The following PRDM2 variants were observed in gnomAD, a reference collection of about 807,000 sequenced individuals.
PRDM2 encodes the protein PR domain zinc finger protein 2.
PRDM2 carries 30 observed loss-of-function variants against 130.0 expected under a neutral mutation model. The ratio of observed to expected loss-of-function variants is 0.23; its 90% confidence interval spans 0.17 to 0.31. PRDM2 has a LOEUF of 0.31. Ranked by LOEUF, PRDM2 falls within the 10% of genes least tolerant of loss-of-function variation. The probability of loss-of-function intolerance (pLI) is 1.00; values close to 1 mark genes in which losing one functional copy is unlikely to be tolerated. For missense variants in PRDM2, 2,011 were observed against 2,108.4 expected (o/e 0.95, Z 0.90); for synonymous variants, 871 against 782.4 (o/e 1.11, Z -1.89).
chr1:13,772,455 A>G (rs918761183), intron 6 of PRDM2, among the ~76,000 whole-genome samples: 7 of 152,224 alleles, frequency 4.6e-5, no homozygotes, highest in African/African-American at 7.2e-5. Flanking sequence ...TTAATGAAAT[A>G]TTGACCTGGA....
intron 8 of PRDM2, chr1:13,783,171 A>T: frequency 1.9e-6 from 1 of 536,792 alleles, no homozygotes; most frequent in Non-Finnish European, 3.6e-6. Flanking sequence ...GCTCAGTGTC[A>T]TGTGTCTTAT....
Position 13,782,363 on chromosome 1 carries a change from A to G in PRDM2, c.4568A>G (p.Lys1523Arg). The G allele has an allele frequency of 1.2e-6, 2 of 1,614,054 alleles. No homozygotes were observed. Among genetic ancestry groups the G allele is most frequent in the Non-Finnish European group, 1.7e-6 (2 of 1,180,024 alleles). ...AGACGGACAGCGGATGCGGAGATTA[A>G]AATGCAAAGCATGCAGACTCCGTTG... ...HRRRTADAEI[K>R]MQSMQTPLGK... is the part of the protein sequence containing the mutation. The change falls in exon 8 of 10, where the codon AAA (lysine) becomes AGA (arginine). Residue 1523 changes from lysine (K) to arginine (R), a missense_variant. Lys to Arg is a conservative substitution (Grantham distance 26). This residue lies in a region of PRDM2 where 410 missense variants were observed against 395.9 expected (regional missense o/e 1.04). Coordinates refer to ENST00000311066, the MANE Select transcript of PRDM2 (RefSeq NM_001393986.1).
At chr1:13,710,915 T>C (rs1642349234) in intron 1 of PRDM2, among the ~76,000 whole-genome samples, 1 of 151,950 alleles carries the variant, frequency 6.6e-6, no homozygotes. Flanking sequence ...TGAAACTCCG[T>C]CTCTACTAAA....
chr1:13,779,176 GAGA>G lies in PRDM2; in HGVS notation c.1384_1386del (p.Lys462del). The G allele has an allele frequency of 1.2e-6, 2 of 1,614,208 alleles. No individual in the cohort carries two copies. The highest frequency in any genetic ancestry group is 1.7e-6 in the Non-Finnish European group (2 of 1,180,022). ...GCCAGACTGTCTGATCATGAATTCA[GAGA>G]AGGCTTCCCAAGACACAATAAATTC... On this transcript the variant is annotated inframe_deletion, in exon 8 of 10. Transcript: ENST00000311066. The surrounding 1 kb of genome is among the most constrained non-coding windows in gnomAD (Gnocchi z 4.9).
chr1:13,820,280 C>T (rs1290406138), intron 9 of PRDM2, among the ~76,000 whole-genome samples: 1 of 152,198 alleles, frequency 6.6e-6, no homozygotes, highest in Non-Finnish European at 1.5e-5. Context: ...AAGGCTTCGT[C>T]ACCCGTCTCC....
rs758886844 is a variant in PRDM2, at chr1:13,782,690, A to G, written c.4895A>G (p.Lys1632Arg). The G allele has an allele frequency of 1.2e-6, 2 of 1,614,142 alleles. No individual in the cohort carries two copies. The highest frequency in any genetic ancestry group is 3.3e-5 in the Admixed American group (2 of 60,024). The change falls in exon 8 of 10, where the codon AAA becomes AGA. Residue 1632 changes from lysine (K) to arginine (R), a missense_variant. By Grantham distance (26) the Lys-to-Arg change is conservative (BLOSUM62 2). This residue lies in a region of PRDM2 where 410 missense variants were observed against 395.9 expected (regional missense o/e 1.04). Coordinates refer to ENST00000311066, the MANE Select transcript of PRDM2 (RefSeq NM_001393986.1). ...AGCAAATCCACCTTGGCGAGTAAGA[A>G]AAGAACAGACCGGTTCAATATAAAA... ...LQSKSTLASK[K>R]RTDRFNIKSR...
At chr1:13,767,239 TA>T (rs146584339) in intron 6 of PRDM2, among the ~76,000 whole-genome samples, 7 of 150,924 alleles carry the variant, frequency 4.6e-5, no homozygotes, top group South Asian at 2.1e-4. Flanking sequence ...AAAATAGAAA[TA>T]AAAAAAAGCA....
rs143566559 is a variant in PRDM2, at chr1:13,779,182, G to A, written c.1387G>A (p.Ala463Thr). ...CTGTCTGATCATGAATTCAGAGAAG[G>A]CTTCCCAAGACACAATAAATTCTTC... is the stretch of plus-strand genomic sequence containing the variant. Reference protein sequence around the residue: ...PDCLIMNSEKASQDTINSSVV... With the variant: ...PDCLIMNSEKTSQDTINSSVV... Residue 463 changes from alanine (A) to threonine (T), a missense_variant, in exon 8 of 10, where the codon GCT becomes ACT. Coordinates refer to ENST00000311066, the MANE Select transcript of PRDM2 (RefSeq NM_001393986.1). The surrounding 1 kb of genome is among the most constrained non-coding windows in gnomAD (Gnocchi z 4.9). The A allele has an allele frequency of 3.8e-5, 62 of 1,614,202 alleles. No homozygotes were observed. In the African/African-American group the frequency reaches 8.1e-4, roughly 21 times the overall value.
At position 13,816,630 on chromosome 1, in the gene PRDM2, T is replaced by G. The variant is rs556567060; in HGVS notation, c.*23+60T>G. 5.7e-6 allele frequency: 9 copies of G among 1,572,356 alleles called. No individual in the cohort carries two copies. The African/African-American group carries it at 6.8e-5, about 12-fold the overall frequency. On this transcript the variant is annotated intron_variant, in intron 9 of 9. Transcript: ENST00000311066. ...TTGGGTGGGTCAAGGGGGTGTGGGCTTGGGTCTTGGGTGGGGAGGGAAGGA... is the reference window on the plus strand; with the variant it reads ...TTGGGTGGGTCAAGGGGGTGTGGGCGTGGGTCTTGGGTGGGGAGGGAAGGA...
intron 6 of PRDM2, among the ~76,000 whole-genome samples, chr1:13,749,896 T>C (rs993554865): frequency 6.6e-6 from 1 of 152,002 alleles, no homozygotes; most frequent in African/African-American, 2.4e-5. Context: ...CGCGGCTAGC[T>C]TGACAGCCCC....
At chr1:13,785,907 T>A (rs1225234671) in intron 8 of PRDM2, among the ~76,000 whole-genome samples, 1 of 150,618 alleles carries the variant, frequency 6.6e-6, no homozygotes, top group African/African-American at 2.4e-5. Context: ...GGCACGATCT[T>A]GGCTCACTGC....
Position 13,779,530 on chromosome 1 carries a change from A to C in PRDM2, c.1735A>C (p.Asn579His). The change falls in exon 8 of 10, where the codon AAC (asparagine) becomes CAC (histidine). Residue 579 changes from asparagine (N) to histidine (H), a missense_variant. Coordinates refer to ENST00000311066, the MANE Select transcript of PRDM2 (RefSeq NM_001393986.1). This position sits in a 1 kb window ranked among gnomAD's most constrained non-coding sequence, Gnocchi z 4.9. ...TGATGGTAAAATTCAAACTAATAAC[A>C]ACACTAGTAACTGTGATGTGATTGA... ...YIDGKIQTNN[N>H]TSNCDVIEME... The C allele has an allele frequency of 6.2e-7, 1 of 1,614,022 alleles. No individual in the cohort carries two copies. Among genetic ancestry groups the C allele is most frequent in the Non-Finnish European group, 8.5e-7 (1 of 1,179,952 alleles).
rs1570101555 is a variant in PRDM2, at chr1:13,806,256, T to C, written c.5037-10171T>C. Among the ~76,000 whole-genome samples the C allele has an allele frequency of 1.4e-5, 2 of 140,700 alleles. No homozygotes were observed. The highest frequency in any genetic ancestry group is 4.3e-4 in the East Asian group (2 of 4,650). 92.3% of individuals were successfully genotyped at this position (140,700 alleles called of 152,430 possible). A position where few individuals can be genotyped will look rare whatever the true frequency, so the allele number is the denominator to read the frequency against. On this transcript the variant is annotated intron_variant, in intron 8 of 9. Coordinates refer to ENST00000311066, the MANE Select transcript of PRDM2 (RefSeq NM_001393986.1). This position sits in a 1 kb window ranked among gnomAD's most constrained non-coding sequence, Gnocchi z 4.1. ...GCATCCCGCCTCCATCCCTGGGCTC[T>C]GTCCCCCGCATCCCGCCTCCATCCC...
At chr1:13,716,751 CTCTT>C (rs1199543470) in intron 2 of PRDM2, among the ~76,000 whole-genome samples, 1 of 152,126 alleles carries the variant, frequency 6.6e-6, no homozygotes, top group African/African-American at 2.4e-5. Context: ...AATATCATCT[CTCTT>C]GTAGTTACAG....
At position 13,780,224 on chromosome 1, in the gene PRDM2, C is replaced by T. The variant is rs1644576518; in HGVS notation, c.2429C>T (p.Thr810Ile). 6.2e-7 allele frequency: 1 copy of T among 1,608,834 alleles called. No individual in the cohort carries two copies. The highest frequency in any genetic ancestry group is 8.5e-7 in the Non-Finnish European group (1 of 1,177,214). ...GAATATAAAATGTCTAAAGAGTGGA[C>T]AGCTAGTTCTGCTTTTAGCAGTGTG... ...FDEYKMSKEW[T>I]ASSAFSSVCN... The change falls in exon 8 of 10, where the codon ACA (threonine) becomes ATA (isoleucine). Residue 810 changes from threonine to isoleucine, a missense_variant. Physicochemically the swap from Thr to Ile is moderately conservative, Grantham distance 89 (BLOSUM62 -1). Coordinates refer to ENST00000311066, the MANE Select transcript of PRDM2 (RefSeq NM_001393986.1).
intron 7 of PRDM2, among the ~76,000 whole-genome samples, chr1:13,777,116 C>G (rs758234687): frequency 4.6e-5 from 7 of 152,174 alleles, no homozygotes; most frequent in Non-Finnish European, 5.9e-5. Flanking sequence ...TTGTGGTCTT[C>G]CAACGTTTTA....
At chr1:13,767,979 C>A (rs1357506868) in intron 6 of PRDM2, among the ~76,000 whole-genome samples, 1 of 151,816 alleles carries the variant, frequency 6.6e-6, no homozygotes, top group East Asian at 1.9e-4. Flanking sequence ...CAGAGTAAGA[C>A]CCTGTCTCAA....
intron 7 of PRDM2, among the ~76,000 whole-genome samples, chr1:13,778,167 G>A (rs574563144): frequency 2.0e-5 from 3 of 152,290 alleles, no homozygotes; most frequent in East Asian, 1.9e-4. Context: ...TGTTGCGCTC[G>A]TGTGTGTCCT....
chr1:13,761,542 A>G (rs1292825242), intron 6 of PRDM2, among the ~76,000 whole-genome samples: 5 of 152,152 alleles, frequency 3.3e-5, no homozygotes, highest in Non-Finnish European at 7.3e-5. Flanking sequence ...TTCTGTTGAT[A>G]CACAATGCTT....
Sources: allele counts gnomAD v4.1 joint callset (sites outside exome capture counted in the v4.1 genomes callset), GRCh38; gene constraint gnomAD v4.1.1; regional missense constraint gnomAD v4.1.1; non-coding constraint Gnocchi (gnomAD v3.1); transcripts MANE v1.5; gene names NCBI Gene and HGNC (gene_info 2026-07-23, HGNC 2026-07-21).